The following LIN28B variants were observed in gnomAD, a reference collection of about 807,000 sequenced individuals.
The protein encoded by LIN28B is protein lin-28 homolog B.
Under a neutral mutation model 21.9 loss-of-function variants are expected in LIN28B, and 5 were observed. That is an observed-to-expected ratio of 0.23 (90% CI 0.12 to 0.48). The LOEUF is 0.48. Ranked by LOEUF, LIN28B falls within the 20% of genes least tolerant of loss-of-function variation. LIN28B has a pLI of 0.98. For synonymous variants in LIN28B, 109 were observed against 111.3 expected (o/e 0.98, Z 0.13); for missense variants, 245 against 310.5 (o/e 0.79, Z 1.58).
At chr6:104,980,006 G>T (rs1372525367) in intron 2 of LIN28B, among the ~76,000 whole-genome samples, 3 of 152,118 alleles carry the variant, frequency 2.0e-5, no homozygotes, top group African/African-American at 7.2e-5. Flanking sequence ...ATCTTAACAT[G>T]AGAAACATAG....
At chr6:105,052,450 GA>G (rs765180440) in intron 3 of LIN28B, among the ~76,000 whole-genome samples, 1 of 152,118 alleles carries the variant, frequency 6.6e-6, no homozygotes, top group Non-Finnish European at 1.5e-5. Context: ...GCAAAGGGAG[GA>G]AAGGATACCA....
chr6:104,962,849 AAAATTAGACATCTTGG>A (rs1326895010), intron 2 of LIN28B, among the ~76,000 whole-genome samples: 1 of 152,194 alleles, frequency 6.6e-6, no homozygotes, highest in African/African-American at 2.4e-5. Context: ...CCAATTAAAA[AAAATTAGACATCTTGG>A]AAACTTGAAA....
chr6:104,958,025 A>ATTT, intron 1 of LIN28B, 74 bp from the exon 2 acceptor site: 3 of 853,436 alleles, frequency 3.5e-6, no homozygotes, highest in East Asian at 3.8e-5. Flanking sequence ...CAGGCAGGCA[A>ATTT]TTTTTTTTTT....
chr6:105,016,666 T>G (rs1771034046), intron 2 of LIN28B, among the ~76,000 whole-genome samples: 3 of 152,150 alleles, frequency 2.0e-5, no homozygotes, highest in African/African-American at 7.2e-5. Flanking sequence ...CTGCTTCAAA[T>G]ATATGCTGAA....
chr6:105,033,820 A>G (rs945439356), intron 3 of LIN28B, among the ~76,000 whole-genome samples: 5 of 151,862 alleles, frequency 3.3e-5, no homozygotes, highest in Non-Finnish European at 7.4e-5. Flanking sequence ...AGAGTGAGTG[A>G]CTTCCAACAT....
chr6:104,968,344 G>T (rs1001299900), intron 2 of LIN28B, among the ~76,000 whole-genome samples: 2 of 152,122 alleles, frequency 1.3e-5, no homozygotes, highest in African/African-American at 2.4e-5. Flanking sequence ...AAAATTTTGA[G>T]CTAAATGCAA....
intron 3 of LIN28B, among the ~76,000 whole-genome samples, chr6:105,069,394 T>C (rs1772285200): frequency 6.6e-6 from 1 of 152,082 alleles, no homozygotes; most frequent in Non-Finnish European, 1.5e-5. Context: ...TAATTGGTAA[T>C]GATGGTGAAA....
At chr6:104,937,291 G>A (rs1050183180) in intron 2 of LIN28B, among the ~76,000 whole-genome samples, 3 of 152,048 alleles carry the variant, frequency 2.0e-5, no homozygotes, top group African/African-American at 7.2e-5. Flanking sequence ...GCGCCACCAC[G>A]CCCAGCTAGT....
At chr6:104,958,371 G>A in intron 2 of LIN28B, 85 bp downstream of exon 2, 1 of 1,101,774 alleles carries the variant, frequency 9.1e-7, no homozygotes, top group Non-Finnish European at 1.3e-6. Context: ...CGTACGATAA[G>A]ATGTCCTTCG....
intron 3 of LIN28B, among the ~76,000 whole-genome samples, chr6:105,062,695 A>T (rs1380851983): frequency 1.3e-5 from 2 of 151,788 alleles, no homozygotes; most frequent in African/African-American, 4.8e-5. Flanking sequence ...GTTTTCAAAT[A>T]CGTTTCTAAG....
At chr6:105,064,823 GTTC>G (rs1772190430) in intron 3 of LIN28B, among the ~76,000 whole-genome samples, 1 of 152,118 alleles carries the variant, frequency 6.6e-6, no homozygotes, top group Non-Finnish European at 1.5e-5. Context: ...AATAAGCCAA[GTTC>G]TTCATGGAAA....
chr6:105,077,706 A>T (rs889117063), intron 3 of LIN28B, among the ~76,000 whole-genome samples: 1 of 152,206 alleles, frequency 6.6e-6, no homozygotes, highest in East Asian at 1.9e-4. Flanking sequence ...TATTAATTCA[A>T]TCTAAGTATT....
intron 2 of LIN28B, among the ~76,000 whole-genome samples, chr6:104,984,306 A>G (rs973991416): frequency 2.0e-5 from 3 of 152,234 alleles, no homozygotes; most frequent in Non-Finnish European, 4.4e-5. Context: ...AAAACAGCAC[A>G]CAATGTATAA....
At chr6:105,053,151 T>C (rs961613811) in intron 3 of LIN28B, among the ~76,000 whole-genome samples, 2 of 152,212 alleles carry the variant, frequency 1.3e-5, no homozygotes. Flanking sequence ...TTGGAATTTC[T>C]ATATGTCTTA....
At chr6:104,952,755 C>G (rs1778234460), upstream of LIN28B, among the ~76,000 whole-genome samples, 1 of 152,074 alleles carries the variant, frequency 6.6e-6, no homozygotes, top group Non-Finnish European at 1.5e-5. Flanking sequence ...TTATGCTAAT[C>G]CGTTTCTGTA....
chr6:105,061,365 G>A (rs1215104527), intron 3 of LIN28B, among the ~76,000 whole-genome samples: 2 of 151,974 alleles, frequency 1.3e-5, no homozygotes, highest in Non-Finnish European at 2.9e-5. Flanking sequence ...CAGTATAAAA[G>A]GAATGGAAAA....
rs1772529379 is a variant in LIN28B, at chr6:105,080,766, G to C, written c.*1983G>C. On this transcript the variant is annotated 3_prime_UTR_variant, in exon 4 of 4. Coordinates refer to ENST00000345080, the MANE Select transcript of LIN28B (RefSeq NM_001004317.4). ...AACAGTAAAATGCAAAACATGATAA[G>C]CGTTGCTCAATTTTTAGCAGGTATA... 6.6e-6 allele frequency: 1 copy of C among 152,608 alleles called. No individual in the cohort carries two copies. Among genetic ancestry groups the C allele is most frequent in the Non-Finnish European group, 1.5e-5 (1 of 68,046 alleles). 9.5% of individuals were successfully genotyped at this position (152,608 alleles called of 1,614,324 possible).
chr6:104,989,092 G>T (rs1770406701), intron 2 of LIN28B, among the ~76,000 whole-genome samples: 1 of 152,002 alleles, frequency 6.6e-6, no homozygotes, highest in Non-Finnish European at 1.5e-5. Flanking sequence ...GATTAATCTT[G>T]CTAGGGATAT....
intron 3 of LIN28B, among the ~76,000 whole-genome samples, chr6:105,069,492 A>C (rs551981779): frequency 6.6e-6 from 1 of 152,232 alleles, no homozygotes; most frequent in Admixed American, 6.5e-5. Context: ...TGGAGAACCA[A>C]GGTGGGAGGA....
Sources: gnomAD v4.1 joint callset for allele counts (sites outside exome capture counted in the v4.1 genomes callset) on GRCh38, gnomAD v4.1.1 for gene constraint, MANE v1.5 for transcripts, NCBI Gene and HGNC (gene_info 2026-07-23, HGNC 2026-07-21) for gene names.